Variants in DLG2 observed in about 807,000 individuals in gnomAD.
The protein encoded by DLG2 is disks large homolog 2.
A neutral mutation model predicts 132.5 loss-of-function variants in DLG2; 45 were observed. The ratio of observed to expected loss-of-function variants is 0.34; its 90% CI spans 0.27 to 0.44. The LOEUF is 0.44. Ranked by LOEUF, DLG2 falls within the 20% of genes least tolerant of loss-of-function variation. DLG2 has a pLI of 1.00. For synonymous variants in DLG2, 424 were observed against 419.6 expected, an observed-to-expected ratio of 1.01 and a Z score of -0.13; for missense variants, 1,045 against 1,196.9, an observed-to-expected ratio of 0.87 and a Z score of 1.87.
intron 18 of DLG2, among the ~76,000 whole-genome samples, chr11:83,668,886 C>G (rs2076342815): frequency 7.2e-6 from 1 of 139,024 alleles, no homozygotes; most frequent in Admixed American, 7.1e-5. Flanking sequence ...TTATGATAGA[C>G]TATGAGCTTC....
chr11:85,253,651 G>T (rs2076515256), intron 4 of DLG2, among the ~76,000 whole-genome samples: 2 of 152,192 alleles, frequency 1.3e-5, no homozygotes. Flanking sequence ...AGTGTTAACA[G>T]CTCAGTGGAG....
chr11:84,598,201 A>C (rs1337636596), intron 6 of DLG2, among the ~76,000 whole-genome samples: 1 of 152,190 alleles, frequency 6.6e-6, no homozygotes, highest in East Asian at 1.9e-4. Flanking sequence ...TTACTGCAGC[A>C]CAGAAGGACT....
chr11:85,501,608 G>T (rs1419519598), intron 3 of DLG2, among the ~76,000 whole-genome samples: 1 of 152,156 alleles, frequency 6.6e-6, no homozygotes, highest in Admixed American at 6.5e-5. Context: ...AATGGGCAAA[G>T]GATATGAACA....
chr11:85,421,931 T>C (rs1211914176), intron 3 of DLG2, among the ~76,000 whole-genome samples: 1 of 152,188 alleles, frequency 6.6e-6, no homozygotes, highest in African/African-American at 2.4e-5. Flanking sequence ...GCTGCATCTT[T>C]CCTTCATATA....
At chr11:83,945,675 T>C (rs1036952733) in intron 14 of DLG2, among the ~76,000 whole-genome samples, 4 of 152,198 alleles carry the variant, frequency 2.6e-5, no homozygotes, top group African/African-American at 9.7e-5. Context: ...CTAAATACTG[T>C]TGTACAAATT....
At chr11:84,427,901 T>C (rs781475008) in intron 7 of DLG2, among the ~76,000 whole-genome samples, 2 of 152,186 alleles carry the variant, frequency 1.3e-5, no homozygotes, top group African/African-American at 2.4e-5. Context: ...GTAGGAACTT[T>C]CTCCAAGACT....
chr11:83,682,183 C>T, intron 18 of DLG2: 1 of 985,374 alleles, frequency 1.0e-6, no homozygotes, highest in Non-Finnish European at 1.2e-6. Flanking sequence ...TGGAACAAAG[C>T]AGGGAGGAGG....
intron 7 of DLG2, among the ~76,000 whole-genome samples, chr11:84,371,355 G>A (rs1271152357): frequency 6.6e-6 from 1 of 151,592 alleles, no homozygotes; most frequent in African/African-American, 2.4e-5. Context: ...CAGGCTCAGG[G>A]GATCCTCCTC....
chr11:83,461,851 A>C (rs1425377729), intron 27 of DLG2, 151 bp downstream of exon 27: 2 of 596,916 alleles, frequency 3.4e-6, no homozygotes, highest in African/African-American at 3.7e-5. Context: ...TGGGTGAAGC[A>C]GAGGGATACT....
intron 6 of DLG2, chr11:85,021,295 T>C: frequency 7.9e-7 from 1 of 1,264,952 alleles, no homozygotes; most frequent in South Asian, 1.2e-5. Context: ...CATCCTATCA[T>C]AATAATCCCA....
At chr11:84,582,693 A>G (rs573532895) in intron 6 of DLG2, among the ~76,000 whole-genome samples, 5 of 152,200 alleles carry the variant, frequency 3.3e-5, no homozygotes, top group Admixed American at 6.5e-5. Flanking sequence ...ATGTCTATCA[A>G]TGAATCACAG....
intron 7 of DLG2, among the ~76,000 whole-genome samples, chr11:84,527,728 C>A (rs2154519348): frequency 6.6e-6 from 1 of 152,214 alleles, no homozygotes; most frequent in African/African-American, 2.4e-5. Flanking sequence ...TTAATACACC[C>A]TAGGAAATAC....
At chr11:85,083,176 T>C (rs1259074269) in intron 6 of DLG2, among the ~76,000 whole-genome samples, 1 of 151,922 alleles carries the variant, frequency 6.6e-6, no homozygotes, top group Non-Finnish European at 1.5e-5. Flanking sequence ...TGGGAGGGAG[T>C]AAAACTGCAG....
At chr11:84,485,284 C>A (rs2099147968) in intron 7 of DLG2, among the ~76,000 whole-genome samples, 2 of 152,146 alleles carry the variant, frequency 1.3e-5, no homozygotes. Context: ...TGATTTTATT[C>A]ATTAGCAATA....
chr11:84,723,161 T>C (rs2062030047), intron 6 of DLG2, among the ~76,000 whole-genome samples: 1 of 152,154 alleles, frequency 6.6e-6, no homozygotes, highest in Non-Finnish European at 1.5e-5. Flanking sequence ...GCCTATAATT[T>C]GGATTTCAAA....
chr11:84,764,247 C>T (rs147461656), intron 6 of DLG2, among the ~76,000 whole-genome samples: 3 of 152,248 alleles, frequency 2.0e-5, no homozygotes, highest in African/African-American at 4.8e-5. Context: ...TGTCCCAGTG[C>T]TATACCCTAC....
At chr11:84,569,737 G>C (rs1478023534) in intron 6 of DLG2, among the ~76,000 whole-genome samples, 3 of 152,170 alleles carry the variant, frequency 2.0e-5, no homozygotes, top group Non-Finnish European at 4.4e-5. Flanking sequence ...TTACTCACGT[G>C]TCCTTTACCC....
At chr11:85,161,844 T>C (rs1473698588) in intron 4 of DLG2, among the ~76,000 whole-genome samples, 2 of 152,212 alleles carry the variant, frequency 1.3e-5, no homozygotes, top group Non-Finnish European at 2.9e-5. Flanking sequence ...AGGCTTTGTA[T>C]GCTCTGAATC....
At chr11:85,066,645 A>G (rs1010146446) in intron 6 of DLG2, among the ~76,000 whole-genome samples, 6 of 151,806 alleles carry the variant, frequency 4.0e-5, no homozygotes, top group Non-Finnish European at 7.4e-5. Flanking sequence ...ACATACAGAA[A>G]TCAATAAATG....
Sources: allele counts gnomAD v4.1 joint callset (sites outside exome capture counted in the v4.1 genomes callset), GRCh38; gene constraint gnomAD v4.1.1; transcripts MANE v1.5; gene names NCBI Gene and HGNC (gene_info 2026-07-23, HGNC 2026-07-21).